The following CSMD1 variants were observed in gnomAD, a reference collection of about 807,000 sequenced individuals.
The protein encoded by CSMD1 is CUB and sushi domain-containing protein 1.
Under a neutral mutation model 417.5 loss-of-function variants are expected in CSMD1, and 213 were observed. The observed-to-expected ratio is 0.51, with a 90% CI of 0.46 to 0.57. The LOEUF (loss-of-function observed/expected upper bound fraction) is 0.57. Among genes scored for constraint, CSMD1 ranks in the 20% least tolerant of loss-of-function variants. The pLI, the probability that CSMD1 is intolerant of heterozygous loss-of-function variation, is 0.00. For missense variants in CSMD1, 6,923 were observed against 4,529.7 expected (o/e 1.53, Z -15.17); for synonymous variants, 2,862 against 1,736.8 (o/e 1.65, Z -16.11).
intron 41 of CSMD1, among the ~76,000 whole-genome samples, chr8:3,133,173 C>A (rs781462570): frequency 6.6e-6 from 1 of 152,170 alleles, no homozygotes; most frequent in Non-Finnish European, 1.5e-5. Context: ...GGGAGGCCGA[C>A]CTGGGGCCCC....
rs747706228 is a variant in CSMD1 at position 2,978,694 on chromosome 8, C to T, written c.8484G>A (p.Lys2828=). Residue 2828 remains lysine, a synonymous_variant, in exon 55 of 70, where the codon AAG becomes AAA. Coordinates refer to ENST00000635120, the MANE Select transcript of CSMD1 (RefSeq NM_033225.6). The part of the protein sequence containing the change: ...EYGMSILYHC[K]KGFYLLGSSA... ...AAGATCCCAGCAAGTAAAATCCCTT[C>T]TTGCAATGGTACAGGATACTCATTC... The T allele has an allele frequency of 1.2e-5, 20 of 1,612,344 alleles. No homozygotes were observed. Among genetic ancestry groups the T allele is most frequent in the East Asian group, 6.7e-5 (3 of 44,820 alleles).
chr8:4,720,640 T>C (rs1380949968), intron 1 of CSMD1, among the ~76,000 whole-genome samples: 1 of 152,150 alleles, frequency 6.6e-6, no homozygotes, highest in African/African-American at 2.4e-5. Context: ...TGCTCTCCTC[T>C]CGAATTCCTA....
At chr8:3,541,141 A>T (rs1026714834) in intron 10 of CSMD1, among the ~76,000 whole-genome samples, 2 of 152,252 alleles carry the variant, frequency 1.3e-5, no homozygotes, top group African/African-American at 4.8e-5. Context: ...AATGTCCATC[A>T]ATGACAGACT....
At chr8:3,851,743 G>A (rs1418331346) in intron 5 of CSMD1, among the ~76,000 whole-genome samples, 2 of 152,188 alleles carry the variant, frequency 1.3e-5, no homozygotes, top group Non-Finnish European at 2.9e-5. Context: ...AGAACAAGAA[G>A]GTGAGGAATG....
chr8:4,583,964 T>C (rs1414824980), intron 2 of CSMD1, among the ~76,000 whole-genome samples: 1 of 151,898 alleles, frequency 6.6e-6, no homozygotes, highest in East Asian at 1.9e-4. Context: ...GCTTCACTCC[T>C]GAAGCCAACG....
intron 3 of CSMD1, among the ~76,000 whole-genome samples, chr8:4,327,094 G>A (rs905763): frequency 0.98 from 149,878 of 152,222 alleles, 73,825 homozygotes; most frequent in Middle Eastern, 1. Flanking sequence ...GCATATTCTT[G>A]AACAGGAGAG....
At chr8:3,130,278 G>C (rs920283098) in intron 41 of CSMD1, among the ~76,000 whole-genome samples, 2 of 152,124 alleles carry the variant, frequency 1.3e-5, no homozygotes, top group Admixed American at 1.3e-4. Context: ...CAGTTGAGCA[G>C]GAAGATGGGA....
intron 3 of CSMD1, among the ~76,000 whole-genome samples, chr8:4,191,525 A>G (rs4415339): frequency 6.6e-6 from 1 of 152,164 alleles, no homozygotes; most frequent in South Asian, 2.1e-4. Context: ...GAGGTCACTA[A>G]AACATGTGTC....
intron 1 of CSMD1, among the ~76,000 whole-genome samples, chr8:4,727,703 C>T (rs1341096629): frequency 6.6e-6 from 1 of 151,950 alleles, no homozygotes; most frequent in African/African-American, 2.4e-5. Context: ...AGGCAAATTC[C>T]TGTGTTCTGC....
intron 25 of CSMD1, among the ~76,000 whole-genome samples, chr8:3,306,182 G>C (rs1189317578): frequency 6.6e-6 from 1 of 151,984 alleles, no homozygotes; most frequent in Non-Finnish European, 1.5e-5. Context: ...GTAAGTGTAT[G>C]ATATCTATGT....
chr8:3,961,719 G>T (rs959900795), intron 5 of CSMD1, among the ~76,000 whole-genome samples: 2 of 152,190 alleles, frequency 1.3e-5, no homozygotes, highest in African/African-American at 4.8e-5. Flanking sequence ...ATACTCATGG[G>T]AGCATTTCCT....
At chr8:4,752,201 C>G (rs1268659626) in intron 1 of CSMD1, among the ~76,000 whole-genome samples, 1 of 152,100 alleles carries the variant, frequency 6.6e-6, no homozygotes, top group Non-Finnish European at 1.5e-5. Context: ...ATCACTTCAT[C>G]ATAAACAGTA....
intron 3 of CSMD1, among the ~76,000 whole-genome samples, chr8:4,290,318 C>A (rs891704300): frequency 6.6e-6 from 1 of 152,076 alleles, no homozygotes; most frequent in South Asian, 2.1e-4. Context: ...TTCAGATGGT[C>A]GTGTTTGAAT....
chr8:3,044,170 T>A (rs2128985263), intron 50 of CSMD1, among the ~76,000 whole-genome samples: 1 of 152,336 alleles, frequency 6.6e-6, no homozygotes, highest in African/African-American at 2.4e-5. Context: ...CCAAATACCA[T>A]GTCATAGTGA....
chr8:4,221,302 C>A (rs748558550), intron 3 of CSMD1, among the ~76,000 whole-genome samples: 4 of 150,824 alleles, frequency 2.7e-5, no homozygotes, highest in Non-Finnish European at 4.4e-5. Context: ...ATATTGAATA[C>A]ACTCATGGAC....
chr8:4,162,545 T>C (rs1797234142), intron 3 of CSMD1, among the ~76,000 whole-genome samples: 1 of 152,150 alleles, frequency 6.6e-6, no homozygotes, highest in African/African-American at 2.4e-5. Context: ...TATTTTTAAT[T>C]TATTTTACCT....
chr8:4,505,301 C>A (rs17415676), intron 2 of CSMD1, among the ~76,000 whole-genome samples: 1 of 151,818 alleles, frequency 6.6e-6, no homozygotes, highest in Non-Finnish European at 1.5e-5. Context: ...AAATCACCAA[C>A]GAGGTAAAAG....
Position 4,925,713 on chromosome 8 carries a change from A to AT in CSMD1, c.85+68618dup, listed in dbSNP as rs546243279. Among the ~76,000 whole-genome samples the AT allele has an allele frequency of 1.8e-3, 267 of 151,804 alleles. 1 individual carries two copies. The highest frequency in any genetic ancestry group is 6.0e-3 in the African/African-American group (249 of 41,418). On this transcript the variant is annotated intron_variant, in intron 1 of 69. Coordinates refer to ENST00000635120, the MANE Select transcript of CSMD1 (RefSeq NM_033225.6). ...AGGCGCCCGCCACCACGCAGGGCTAATTTTTTTGTATTTTTAGTAGAGACG... is the reference window on the plus strand; with the variant it reads ...AGGCGCCCGCCACCACGCAGGGCTAATTTTTTTTGTATTTTTAGTAGAGACG...
chr8:3,004,670 G>T (rs1173967828), intron 52 of CSMD1, among the ~76,000 whole-genome samples: 1 of 152,178 alleles, frequency 6.6e-6, no homozygotes, highest in Non-Finnish European at 1.5e-5. Flanking sequence ...CACACTTCAT[G>T]AATTTTACAT....
Sources: gnomAD v4.1 joint callset for allele counts (sites outside exome capture counted in the v4.1 genomes callset) on GRCh38, gnomAD v4.1.1 for gene constraint, MANE v1.5 for transcripts, NCBI Gene and HGNC (gene_info 2026-07-23, HGNC 2026-07-21) for gene names.